The following NECAB2 variants were observed in gnomAD, a reference collection of about 807,000 sequenced individuals.
NECAB2 encodes the protein N-terminal EF-hand calcium-binding protein 2.
In NECAB2, 68 loss-of-function variants were observed where a neutral mutation model predicts 51.9. The ratio of observed to expected loss-of-function variants is 1.31; its 90% CI spans 1.08 to 1.60. NECAB2 has a LOEUF of 1.60. Ranked by LOEUF, NECAB2 falls within the 40% of genes most tolerant of loss-of-function variation. The probability of loss-of-function intolerance (pLI) is 0.00; values close to 1 mark genes in which losing one functional copy is unlikely to be tolerated. For synonymous variants in NECAB2, 329 were observed against 203.5 expected, an observed-to-expected ratio of 1.62 and a Z score of -5.25; for missense variants, 854 against 490.3, an observed-to-expected ratio of 1.74 and a Z score of -7.00.
Position 83,997,262 on chromosome 16 carries a change from C to G in NECAB2, c.842C>G (p.Thr281Ser), listed in dbSNP as rs764346302. Reference sequence around the variant, plus strand: ...CAGCGCCTGTCAGATGAAGATGGCACCAACATGGTGAGGCCCCTTCCCACC... The same window carrying G: ...CAGCGCCTGTCAGATGAAGATGGCAGCAACATGGTGAGGCCCCTTCCCACC... ...LQQRLSDEDG[T>S]NMHLQLVRQE... Residue 281 changes from threonine (T) to serine (S), a missense_variant, in exon 9 of 13, where the codon ACC (threonine) becomes AGC (serine). Thr to Ser is a moderately conservative substitution (Grantham distance 58). Coordinates refer to ENST00000305202, the MANE Select transcript of NECAB2 (RefSeq NM_019065.3). 20 of 1,614,000 alleles carry G rather than the reference C, an allele frequency of 1.2e-5. No homozygotes were observed. The South Asian group carries it at 2.0e-4, about 16-fold the overall frequency.
chr16:83,988,111 G>A (rs770989916), intron 5 of NECAB2, among the ~76,000 whole-genome samples: 1 of 152,186 alleles, frequency 6.6e-6, no homozygotes, highest in Non-Finnish European at 1.5e-5. Context: ...CCTTTGTGCT[G>A]CTTTGGTTTA....
upstream of NECAB2, among the ~76,000 whole-genome samples, chr16:83,968,215 C>T (rs1209655771): frequency 6.6e-6 from 1 of 151,332 alleles, no homozygotes; most frequent in Non-Finnish European, 1.5e-5. Flanking sequence ...AGAGGGCGCT[C>T]CGGGCTCGCT....
intron 5 of NECAB2, among the ~76,000 whole-genome samples, chr16:83,986,052 C>A (rs751031353): frequency 2.0e-5 from 3 of 151,970 alleles, no homozygotes; most frequent in Non-Finnish European, 4.4e-5. Flanking sequence ...GTTTCTCTTT[C>A]GTTGCCCAGG....
In NECAB2 at chr16:83,996,045, G is replaced by A. The variant is rs553005298; in HGVS notation, c.796-1171G>A. On this transcript the variant is annotated intron_variant, in intron 8 of 12. Coordinates refer to ENST00000305202, the MANE Select transcript of NECAB2 (RefSeq NM_019065.3). ...CTCCTCCCCAGCCTCTAACTGGCCC[G>A]GGCGGTCAGCAGGGGCCAATCCGGG... Among the ~76,000 whole-genome samples, 34 of 152,318 alleles carry A rather than the reference G, an allele frequency of 2.2e-4. 1 individual carries two copies. The highest frequency in any genetic ancestry group is 8.2e-4 in the African/African-American group (34 of 41,562).
chr16:83,990,816 G>C (rs970608578), intron 6 of NECAB2, among the ~76,000 whole-genome samples, 186 bp downstream of exon 6: 1 of 152,020 alleles, frequency 6.6e-6, no homozygotes, highest in African/African-American at 2.4e-5. Context: ...TAAAATCTCA[G>C]CCATTGCAAG....
chr16:83,974,769 G>A (rs188468993), intron 2 of NECAB2, among the ~76,000 whole-genome samples: 1 of 152,138 alleles, frequency 6.6e-6, no homozygotes, highest in African/African-American at 2.4e-5. Context: ...ATAGATAGGG[G>A]AGTGGTGTGG....
At position 84,002,627 on chromosome 16, in the gene NECAB2, C is replaced by T; in HGVS notation, c.*281C>T. The T allele has an allele frequency of 3.7e-6, 2 of 546,834 alleles. No homozygotes were observed. Among genetic ancestry groups the T allele is most frequent in the East Asian group, 3.2e-5 (1 of 31,196 alleles). The allele number at this position is 546,834 out of a possible 1,614,324, so 33.9% of individuals were successfully genotyped here. A position where few individuals can be genotyped will look rare whatever the true frequency, so the allele number is the denominator to read the frequency against. Reference sequence around the variant, plus strand: ...CCTGGTCCTGGCCTCTCCCCTACCCCTCACATGGCCACGCATGACCCACAC... The same window carrying T: ...CCTGGTCCTGGCCTCTCCCCTACCCTTCACATGGCCACGCATGACCCACAC... On this transcript the variant is annotated 3_prime_UTR_variant, in exon 13 of 13. Coordinates refer to ENST00000305202, the MANE Select transcript of NECAB2 (RefSeq NM_019065.3).
At chr16:83,991,750 A>G (rs965689572) in intron 6 of NECAB2, among the ~76,000 whole-genome samples, 3 of 151,188 alleles carry the variant, frequency 2.0e-5, no homozygotes, top group African/African-American at 7.3e-5. Flanking sequence ...AGGTTCAAGC[A>G]ATTCTCCCAC....
intron 2 of NECAB2, among the ~76,000 whole-genome samples, chr16:83,974,824 T>C (rs960013071): frequency 4.6e-5 from 7 of 151,676 alleles, no homozygotes; most frequent in Non-Finnish European, 8.8e-5. Flanking sequence ...GGGGTGAGAA[T>C]AGGTGTCAAG....
intron 3 of NECAB2, among the ~76,000 whole-genome samples, chr16:83,979,685 A>AG (rs914392410): frequency 9.6e-6 from 1 of 104,696 alleles, no homozygotes; most frequent in South Asian, 3.4e-4. Flanking sequence ...GGGGTAGAGG[A>AG]GGGGGTGGAG....
chr16:83,981,183 A>G, intron 5 of NECAB2, 56 bp downstream of exon 5: 1 of 1,348,910 alleles, frequency 7.4e-7, no homozygotes, highest in South Asian at 1.3e-5. Context: ...CTTCAGTTCC[A>G]CCCTTGCCTA....
At chr16:83,980,233 T>A (rs1037361911) in intron 3 of NECAB2, among the ~76,000 whole-genome samples, 1 of 152,212 alleles carries the variant, frequency 6.6e-6, no homozygotes, top group Non-Finnish European at 1.5e-5. Context: ...AATCTGCTCC[T>A]AAGCTGCAGA....
chr16:83,999,558 C>A (rs535928234), intron 10 of NECAB2, among the ~76,000 whole-genome samples: 60 of 152,106 alleles, frequency 3.9e-4, no homozygotes, highest in Non-Finnish European at 8.1e-4. Context: ...TTCCTCTAGG[C>A]TGAGCACTGT....
At chr16:83,989,903 A>G (rs755344900) in intron 5 of NECAB2, among the ~76,000 whole-genome samples, 15 of 151,908 alleles carry the variant, frequency 9.9e-5, no homozygotes, top group Non-Finnish European at 2.1e-4. Flanking sequence ...CCTCCTTTTG[A>G]TTACTAAGCC....
intron 5 of NECAB2, among the ~76,000 whole-genome samples, chr16:83,989,779 A>G (rs1276274458): frequency 1.3e-5 from 2 of 152,198 alleles, no homozygotes; most frequent in Non-Finnish European, 2.9e-5. Flanking sequence ...ACAGAGGTGG[A>G]AATTCTGTTC....
chr16:83,993,859 A>AG (rs898104684), intron 6 of NECAB2, among the ~76,000 whole-genome samples: 2 of 151,892 alleles, frequency 1.3e-5, no homozygotes, highest in African/African-American at 4.8e-5. Flanking sequence ...TATGTGTTGG[A>AG]GGGGGGTCTT....
At chr16:83,966,411 A>C, upstream of NECAB2, 1 of 211,900 alleles carries the variant, frequency 4.7e-6, no homozygotes, top group Middle Eastern at 1.8e-3. Flanking sequence ...GAAGGGAGGA[A>C]AGGGGATTGT....
At chr16:83,965,294 A>G, upstream of NECAB2, 5 of 1,600,558 alleles carry the variant, frequency 3.1e-6, no homozygotes, top group Non-Finnish European at 4.3e-6. Flanking sequence ...GTGGGCCCGC[A>G]ACGTGGTCCT....
Position 84,002,413 on chromosome 16 carries a change from T to A in NECAB2, c.*67T>A. 1 of 1,551,818 alleles carries A rather than the reference T, an allele frequency of 6.4e-7. No individual in the cohort carries two copies. Among genetic ancestry groups the A allele is most frequent in the East Asian group, 2.2e-5 (1 of 44,544 alleles). The stretch of plus-strand genomic sequence containing the variant: ...TTCTTGTGAAGGAAATCCCGTTTTT[T>A]TCTAGACAGACACTTTGGTGCAGAA... On this transcript the variant is annotated 3_prime_UTR_variant, in exon 13 of 13. Transcript: ENST00000305202.
Sources: gnomAD v4.1 joint callset for allele counts (sites outside exome capture counted in the v4.1 genomes callset) on GRCh38, gnomAD v4.1.1 for gene constraint, MANE v1.5 for transcripts, NCBI Gene and HGNC (gene_info 2026-07-23, HGNC 2026-07-21) for gene names.